Variants in PRKD2 observed in about 807,000 individuals in gnomAD.
PRKD2 encodes protein kinase D2.
A neutral mutation model predicts 86.0 loss-of-function variants in PRKD2; 22 were observed. The observed-to-expected ratio is 0.26, with a 90% confidence interval of 0.18 to 0.37. The LOEUF (loss-of-function observed/expected upper bound fraction) is 0.37. Ranked by LOEUF, PRKD2 falls within the 10% of genes least tolerant of loss-of-function variation. The probability of loss-of-function intolerance (pLI) is 1.00; values close to 1 mark genes in which losing one functional copy is unlikely to be tolerated. For synonymous variants in PRKD2, 509 were observed against 510.9 expected (o/e 1.00, Z 0.05); for missense variants, 818 against 1,199.2 (o/e 0.68, Z 4.70).
At chr19:46,708,906 C>G (rs935133806) in intron 3 of PRKD2, among the ~76,000 whole-genome samples, 1 of 151,494 alleles carries the variant, frequency 6.6e-6, no homozygotes, top group Admixed American at 6.6e-5. Flanking sequence ...GTCAGCTTGG[C>G]TAGGCGAGAT....
intron 14 of PRKD2, among the ~76,000 whole-genome samples, chr19:46,684,549 C>A (rs1405623591): frequency 6.6e-6 from 1 of 152,160 alleles, no homozygotes; most frequent in Non-Finnish European, 1.5e-5. Context: ...CTCAAAACTC[C>A]TGACCTCAGG....
intron 5 of PRKD2, among the ~76,000 whole-genome samples, chr19:46,702,204 A>C (rs1165042878): frequency 6.6e-6 from 1 of 151,734 alleles, no homozygotes; most frequent in Non-Finnish European, 1.5e-5. Context: ...ATGCCTGGCT[A>C]ATTTTTCGTA....
At chr19:46,675,006 A>G (rs1214745089) in intron 17 of PRKD2, 27 bp downstream of exon 17, 2 of 1,577,460 alleles carry the variant, frequency 1.3e-6, no homozygotes, top group African/African-American at 1.3e-5. Context: ...AATCCAGCCA[A>G]TGGGCCAGCC....
chr19:46,692,474 C>T (rs923346293), intron 10 of PRKD2, among the ~76,000 whole-genome samples: 2 of 152,066 alleles, frequency 1.3e-5, no homozygotes, highest in Non-Finnish European at 2.9e-5. Context: ...GGCCCCTGCT[C>T]GCCCCCCAAC....
chr19:46,681,583 T>TGGCCCCCCCCCCCCC, intron 15 of PRKD2, 67 bp downstream of exon 15: 2 of 671,506 alleles, frequency 3.0e-6, no homozygotes, highest in Non-Finnish European at 2.6e-6. Flanking sequence ...ATAATCCCCT[T>TGGCCCCCCCCCCCCC]CCCCACCCCC....
Position 46,711,058 on chromosome 19 carries a change from G to C in PRKD2, c.380-20C>G. 6.4e-7 allele frequency: 1 copy of C among 1,570,018 alleles called. No individual in the cohort carries two copies. The highest frequency in any genetic ancestry group is 8.7e-7 in the Non-Finnish European group (1 of 1,155,774). On this transcript the variant is annotated intron_variant, in intron 2 of 17. Transcript: ENST00000291281. ...CCGAGGCTGTAGGCGGAAAATAGGG[G>C]TGGATGCTTGAGGCGGGGTAGGCCA...
intron 13 of PRKD2, 51 bp downstream of exon 13, chr19:46,690,548 CA>C: frequency 6.4e-7 from 1 of 1,564,708 alleles, no homozygotes; most frequent in Admixed American, 1.7e-5. Context: ...TACACTGGGT[CA>C]GCTGGCCCAT....
chr19:46,712,624 G>A (rs1460074903), intron 2 of PRKD2, among the ~76,000 whole-genome samples: 1 of 152,228 alleles, frequency 6.6e-6, no homozygotes, highest in Admixed American at 6.5e-5. Flanking sequence ...AAAAATTCAA[G>A]TGAGGCCAGC....
chr19:46,682,169 G>C (rs2053317675), intron 14 of PRKD2, among the ~76,000 whole-genome samples: 1 of 152,030 alleles, frequency 6.6e-6, no homozygotes, highest in Admixed American at 6.6e-5. Flanking sequence ...ACTATGCCCA[G>C]CTAATTTTTT....
At chr19:46,699,918 TAAAAAAA>T (rs56355930) in intron 7 of PRKD2, among the ~76,000 whole-genome samples, 13 of 107,314 alleles carry the variant, frequency 1.2e-4, no homozygotes, top group African/African-American at 2.2e-4. Context: ...CCCCCTATCT[TAAAAAAA>T]AAAAAAAAAA....
chr19:46,710,814 C>T, intron 3 of PRKD2, 93 bp downstream of exon 3: 1 of 1,337,990 alleles, frequency 7.5e-7, no homozygotes, highest in Non-Finnish European at 1.0e-6. Flanking sequence ...ACCCGCTCCT[C>T]CTCCCCACGC....
chr19:46,691,576 G>A (rs537145436), intron 12 of PRKD2, among the ~76,000 whole-genome samples, 159 bp downstream of exon 12: 26 of 152,308 alleles, frequency 1.7e-4, no homozygotes, highest in Middle Eastern at 6.8e-3. Context: ...AGGAGAACCT[G>A]CAATCAGTCC....
In PRKD2 at chr19:46,700,874, A is replaced by G; in HGVS notation, c.1046T>C (p.Val349Ala). ...ATTCTCTGAGTGGGAGCCAGGGATG[A>G]CACCGGAGTCCTCTGACTCATCCAT... ...ALMDESEDSGVIPGSHSENAL... is the reference protein window; with the variant it reads ...ALMDESEDSGAIPGSHSENAL... The change falls in exon 7 of 18, where the codon GTC (valine) becomes GCC (alanine). Residue 349 changes from valine to alanine, a missense_variant. Val to Ala is a moderately conservative substitution (Grantham distance 64). This residue lies in a region of PRKD2 where 403 missense variants were observed against 518.6 expected (regional missense o/e 0.78). Transcript: ENST00000291281. The G allele has an allele frequency of 6.2e-7, 1 of 1,614,202 alleles. No homozygotes were observed. The highest frequency in any genetic ancestry group is 8.5e-7 in the Non-Finnish European group (1 of 1,180,034).
chr19:46,688,485 G>A (rs2053434196), intron 14 of PRKD2, among the ~76,000 whole-genome samples: 1 of 148,714 alleles, frequency 6.7e-6, no homozygotes, highest in African/African-American at 2.5e-5. Flanking sequence ...CCCCCAGGCT[G>A]GAGTACAATG....
chr19:46,707,554 C>T (rs2053732187), intron 3 of PRKD2, among the ~76,000 whole-genome samples: 1 of 152,148 alleles, frequency 6.6e-6, no homozygotes, highest in Non-Finnish European at 1.5e-5. Flanking sequence ...CACGCCACTG[C>T]ACTCCATCCT....
Position 46,694,061 on chromosome 19 carries a change from GGTTGGT to G in PRKD2, c.1384_1389del (p.Thr462_Asn463del). On this transcript the variant is annotated inframe_deletion, in exon 10 of 18. Transcript: ENST00000291281. ...GCAGTGACGATCTCAAAGCAGTGTGGGTTGGTGCCCGGCGGCACAAGGCTGAAGTTC... is the reference window on the plus strand; with the variant it reads ...GCAGTGACGATCTCAAAGCAGTGTGGGCCCGGCGGCACAAGGCTGAAGTTC... 6.2e-7 allele frequency: 1 copy of G among 1,614,184 alleles called. No homozygotes were observed. Among genetic ancestry groups the G allele is most frequent in the Non-Finnish European group, 8.5e-7 (1 of 1,180,038 alleles).
chr19:46,700,716 A>C (rs1342720451), intron 7 of PRKD2, 83 bp downstream of exon 7: 1 of 1,506,632 alleles, frequency 6.6e-7, no homozygotes, highest in Non-Finnish European at 9.0e-7. Flanking sequence ...AGGTGATGTC[A>C]GCCCATTGTA....
intron 3 of PRKD2, chr19:46,710,342 G>T (rs935784611): frequency 6.5e-6 from 1 of 153,102 alleles, no homozygotes; most frequent in Non-Finnish European, 1.5e-5. Flanking sequence ...ACAAGTGTCT[G>T]TCACCATGCT....
At chr19:46,703,867 C>G (rs1460456878) in intron 5 of PRKD2, among the ~76,000 whole-genome samples, 1 of 151,646 alleles carries the variant, frequency 6.6e-6, no homozygotes, top group African/African-American at 2.4e-5. Flanking sequence ...TCACTTGAAC[C>G]CAGGAGGTTG....
Sources: allele counts gnomAD v4.1 joint callset (sites outside exome capture counted in the v4.1 genomes callset), GRCh38; gene constraint gnomAD v4.1.1; regional missense constraint gnomAD v4.1.1; transcripts MANE v1.5; gene names NCBI Gene and HGNC (gene_info 2026-07-23, HGNC 2026-07-21).